RIMS2: variants seen among roughly 807,000 people sequenced by gnomAD.
RIMS2 encodes regulating synaptic membrane exocytosis 2.
A neutral mutation model predicts 174.4 loss-of-function variants in RIMS2; 59 were observed. The ratio of observed to expected loss-of-function variants is 0.34; its 90% CI spans 0.27 to 0.42. The LOEUF (loss-of-function observed/expected upper bound fraction) is 0.42. Ranked by LOEUF, RIMS2 falls within the 10% of genes least tolerant of loss-of-function variation. The pLI, the probability that RIMS2 is intolerant of heterozygous loss-of-function variation, is 1.00. For missense variants in RIMS2, 1,620 were observed against 1,666.3 expected, an observed-to-expected ratio of 0.97 and a Z score of 0.48; for synonymous variants, 606 against 572.5, an observed-to-expected ratio of 1.06 and a Z score of -0.84.
intron 1 of RIMS2, among the ~76,000 whole-genome samples, chr8:103,555,190 T>TA (rs1345203022): frequency 6.6e-6 from 1 of 151,804 alleles, no homozygotes; most frequent in Admixed American, 6.6e-5. Context: ...AAATAAAAGT[T>TA]AAAAAAATGG....
chr8:104,009,878 C>T (rs2095701391), intron 17 of RIMS2, among the ~76,000 whole-genome samples: 1 of 151,970 alleles, frequency 6.6e-6, no homozygotes, highest in African/African-American at 2.4e-5. Flanking sequence ...GGGAAATTTT[C>T]ATTGATTTCT....
intron 3 of RIMS2, among the ~76,000 whole-genome samples, chr8:103,779,025 G>T (rs2154432091): frequency 6.6e-6 from 1 of 152,186 alleles, no homozygotes; most frequent in Middle Eastern, 3.4e-3. Flanking sequence ...TCATATACCT[G>T]TTGGTCATTT....
chr8:103,800,002 G>A (rs77513535), intron 3 of RIMS2, among the ~76,000 whole-genome samples: 8,210 of 152,162 alleles, frequency 0.054, 315 homozygotes, highest in Non-Finnish European at 0.078. Context: ...TTAAGTCAGA[G>A]TTCACTTGTG....
chr8:104,039,635 T>C (rs2096575526), intron 19 of RIMS2, among the ~76,000 whole-genome samples: 1 of 151,768 alleles, frequency 6.6e-6, no homozygotes, highest in Non-Finnish European at 1.5e-5. Context: ...TTTTTACTTG[T>C]GAGGGAACTA....
intron 1 of RIMS2, among the ~76,000 whole-genome samples, chr8:103,683,393 G>A (rs2096902770): frequency 6.6e-6 from 1 of 152,116 alleles, no homozygotes; most frequent in African/African-American, 2.4e-5. Context: ...ATCCATTTTA[G>A]TCCAAGAATT....
chr8:103,862,150 A>G (rs1186836323), intron 3 of RIMS2, among the ~76,000 whole-genome samples: 1 of 151,822 alleles, frequency 6.6e-6, no homozygotes, highest in Non-Finnish European at 1.5e-5. Context: ...GTTAATTTTT[A>G]TATATGGTGA....
Position 103,755,652 on chromosome 8 carries a change from T to G in RIMS2, c.388-10575T>G, listed in dbSNP as rs535063675. On this transcript the variant is annotated intron_variant, in intron 2 of 23. Coordinates refer to ENST00000504942, the Ensembl canonical transcript of RIMS2. ...TTCACTTTTTTTCTCTAATCTTGTT[T>G]TCTTGTTTTATTTCATTGAGTTGAT... Among the ~76,000 whole-genome samples the G allele has an allele frequency of 7.0e-4, 106 of 152,270 alleles. No homozygotes were observed. The Middle Eastern group carries it at 0.014, about 20-fold the overall frequency.
chr8:103,616,780 A>C (rs2095514559), intron 1 of RIMS2, among the ~76,000 whole-genome samples: 1 of 152,204 alleles, frequency 6.6e-6, no homozygotes, highest in Non-Finnish European at 1.5e-5. Context: ...CAATTGCCAC[A>C]CAAAAAATAA....
At chr8:103,828,429 T>G (rs2098805072) in intron 3 of RIMS2, among the ~76,000 whole-genome samples, 1 of 152,254 alleles carries the variant, frequency 6.6e-6, no homozygotes, top group East Asian at 1.9e-4. Context: ...TTTAATGGGG[T>G]TTTGGGTTTT....
At chr8:103,917,484 T>C (rs1478523919) in intron 8 of RIMS2, among the ~76,000 whole-genome samples, 2 of 152,340 alleles carry the variant, frequency 1.3e-5, no homozygotes, top group Non-Finnish European at 2.9e-5. Context: ...ATAAGATTTG[T>C]GTATTGATCA....
At chr8:103,901,265 A>G (rs74682114) in intron 4 of RIMS2, among the ~76,000 whole-genome samples, 1,782 of 152,136 alleles carry the variant, frequency 0.012, 35 homozygotes, top group African/African-American at 0.039. Flanking sequence ...TCTTTAGCAA[A>G]TGGAGGGGCA....
At chr8:104,102,139 C>A (rs1394384749) in intron 19 of RIMS2, among the ~76,000 whole-genome samples, 1 of 152,134 alleles carries the variant, frequency 6.6e-6, no homozygotes, top group East Asian at 1.9e-4. Context: ...AATTATCTGC[C>A]AGATCTGTCC....
At chr8:103,634,375 C>A (rs2096021590) in intron 1 of RIMS2, among the ~76,000 whole-genome samples, 1 of 152,080 alleles carries the variant, frequency 6.6e-6, no homozygotes, top group Non-Finnish European at 1.5e-5. Context: ...TGTTCTATGA[C>A]CTGACAGTGT....
intron 10 of RIMS2, among the ~76,000 whole-genome samples, chr8:103,924,587 G>A (rs1356399270): frequency 6.6e-6 from 1 of 151,374 alleles, no homozygotes; most frequent in Non-Finnish European, 1.5e-5. Context: ...TTTGCTTTTG[G>A]TTAGTTTTTA....
exon 2 of RIMS2, chr8:103,697,244 A>G (rs374348713): frequency 6.2e-7 from 1 of 1,613,740 alleles, no homozygotes; most frequent in African/African-American, 1.3e-5. Context: ...TCATATTGCC[A>G]AACAAAGTTC....
At chr8:104,079,993 G>A (rs1351177187) in intron 19 of RIMS2, among the ~76,000 whole-genome samples, 1 of 151,922 alleles carries the variant, frequency 6.6e-6, no homozygotes, top group Non-Finnish European at 1.5e-5. Context: ...ATGATTTTTA[G>A]AAGAAGATAT....
At chr8:103,670,049 C>T (rs903959592) in intron 1 of RIMS2, among the ~76,000 whole-genome samples, 2 of 152,248 alleles carry the variant, frequency 1.3e-5, no homozygotes, top group Admixed American at 6.5e-5. Context: ...GACATCTAGG[C>T]GTCTCCATAC....
chr8:103,789,311 T>C (rs1004160903), intron 3 of RIMS2, among the ~76,000 whole-genome samples: 3 of 152,226 alleles, frequency 2.0e-5, no homozygotes, highest in East Asian at 1.9e-4. Context: ...GTTTGTTTTT[T>C]CAAAGCCAGT....
At chr8:103,879,593 T>TC (rs982958952) in intron 3 of RIMS2, among the ~76,000 whole-genome samples, 1 of 151,296 alleles carries the variant, frequency 6.6e-6, no homozygotes, top group Non-Finnish European at 1.5e-5. Context: ...GTCCACATCT[T>TC]CCCCCCAATC....
Sources: gnomAD v4.1 joint callset for allele counts (sites outside exome capture counted in the v4.1 genomes callset) on GRCh38, gnomAD v4.1.1 for gene constraint, MANE v1.5 for transcripts, NCBI Gene and HGNC (gene_info 2026-07-23, HGNC 2026-07-21) for gene names.